USP34: variants seen among roughly 807,000 people sequenced by gnomAD.
The protein encoded by USP34 is ubiquitin carboxyl-terminal hydrolase 34.
In USP34, 70 loss-of-function variants were observed where a neutral mutation model predicts 460.3. That is an observed-to-expected ratio of 0.15 (90% CI 0.13 to 0.19). USP34 has a LOEUF of 0.19. Among genes scored for constraint, USP34 ranks in the 10% least tolerant of loss-of-function variants. The pLI, the probability that USP34 is intolerant of heterozygous loss-of-function variation, is 1.00. For missense variants in USP34, 3,985 were observed against 4,236.2 expected, an observed-to-expected ratio of 0.94 and a Z score of 1.65; for synonymous variants, 1,647 against 1,405.3, an observed-to-expected ratio of 1.17 and a Z score of -3.85.
chr2:61,402,522 C>T (rs1452136974), intron 3 of USP34, among the ~76,000 whole-genome samples: 2 of 152,164 alleles, frequency 1.3e-5, no homozygotes, highest in Non-Finnish European at 2.9e-5. Flanking sequence ...CTCTTCTCAG[C>T]AATATGCCCA....
At position 61,387,565 on chromosome 2, in the gene USP34, T is replaced by G. The variant is rs1037458836; in HGVS notation, c.754-4229A>C. ...TATATAAAATATATATATTTATATA[T>G]ACACACATATATAAAATATATATAT... On this transcript the variant is annotated intron_variant, in intron 5 of 79. Transcript: ENST00000398571. Among the ~76,000 whole-genome samples, 4 of 146,234 alleles carry G rather than the reference T, an allele frequency of 2.7e-5. No individual in the cohort carries two copies. The South Asian group carries it at 8.4e-4, about 31-fold the overall frequency.
At chr2:61,338,784 A>G (rs567193645) in intron 18 of USP34, among the ~76,000 whole-genome samples, 35 of 152,202 alleles carry the variant, frequency 2.3e-4, no homozygotes, top group Admixed American at 1.6e-3. Context: ...AGAAAAAAAC[A>G]CTAATCTGTT....
chr2:61,305,311 A>C (rs1245960223), intron 27 of USP34, among the ~76,000 whole-genome samples: 2 of 152,136 alleles, frequency 1.3e-5, no homozygotes, highest in South Asian at 2.1e-4. Flanking sequence ...CAACAGTGCG[A>C]GACTCAAGAA....
intron 1 of USP34, among the ~76,000 whole-genome samples, chr2:61,440,678 C>T (rs559273807): frequency 6.6e-6 from 1 of 151,740 alleles, no homozygotes; most frequent in Non-Finnish European, 1.5e-5. Flanking sequence ...CCACCATACC[C>T]GGCTACTTTT....
intron 76 of USP34, among the ~76,000 whole-genome samples, chr2:61,191,699 A>C (rs1439364245): frequency 6.6e-6 from 1 of 152,204 alleles, no homozygotes; most frequent in Admixed American, 6.5e-5. Context: ...AAGCGAAGGG[A>C]GTCCTGCGAT....
Position 61,280,359 on chromosome 2 carries a change from A to G in USP34, c.5152-11T>C. ...CTCATAATCATCTATCTATTAAAAA[A>G]ATTTTATACTTTGTGAAAACATTTT... On this transcript the variant is annotated splice_polypyrimidine_tract_variant and intron_variant, in intron 38 of 79. Transcript: ENST00000398571. 7.4e-7 allele frequency: 1 copy of G among 1,342,356 alleles called. No homozygotes were observed. The highest frequency in any genetic ancestry group is 1.0e-6 in the Non-Finnish European group (1 of 999,792). The allele number at this position is 1,342,356 out of a possible 1,614,324, so 83.2% of individuals were successfully genotyped here. A position where few individuals can be genotyped will look rare whatever the true frequency, so the allele number is the denominator to read the frequency against.
intron 41 of USP34, 101 bp from the exon 42 acceptor site, chr2:61,266,268 C>G: frequency 2.6e-6 from 3 of 1,143,616 alleles, no homozygotes; most frequent in Non-Finnish European, 3.7e-6. Flanking sequence ...TTAAGCTACT[C>G]AAAAACGTAT....
chr2:61,189,144 G>C (rs1435456678), intron 78 of USP34, 75 bp from the exon 79 acceptor site: 1 of 1,445,616 alleles, frequency 6.9e-7, no homozygotes, highest in African/African-American at 1.4e-5. Flanking sequence ...GTTAATTGCA[G>C]ATGTTTATTT....
intron 5 of USP34, among the ~76,000 whole-genome samples, chr2:61,394,053 G>A (rs570734911): frequency 3.3e-4 from 50 of 151,922 alleles, no homozygotes; most frequent in Non-Finnish European, 6.8e-4. Flanking sequence ...CCCAGGAGGC[G>A]GAGGGTGCAG....
At chr2:61,445,182 A>C (rs1388825077) in intron 1 of USP34, among the ~76,000 whole-genome samples, 2 of 150,558 alleles carry the variant, frequency 1.3e-5, no homozygotes, top group African/African-American at 4.9e-5. Flanking sequence ...CACACACAAA[A>C]AAATGCTAAG....
At chr2:61,227,249 G>C in intron 61 of USP34, 31 bp from the exon 62 acceptor site, 1 of 1,574,682 alleles carries the variant, frequency 6.4e-7, no homozygotes, top group Non-Finnish European at 8.6e-7. Flanking sequence ...ATTTTAATAC[G>C]GTAGTAGTTT....
intron 2 of USP34, among the ~76,000 whole-genome samples, chr2:61,407,958 T>C (rs1693927167): frequency 1.3e-5 from 2 of 151,818 alleles, no homozygotes; most frequent in African/African-American, 4.8e-5. Context: ...CTACTAAAAA[T>C]ACAAAAATTA....
chr2:61,263,666 T>C (rs1233182993), intron 43 of USP34, among the ~76,000 whole-genome samples: 2 of 151,632 alleles, frequency 1.3e-5, no homozygotes, highest in Non-Finnish European at 2.9e-5. Context: ...GTATTTTTAG[T>C]AGAGATGGGG....
rs1479539480 is a variant in USP34 at position 61,311,887 on chromosome 2, CACTGTCTCAGATGATATGCAA to C, written c.3545_3565del (p.Phe1182_Gln1188del). 6.2e-7 allele frequency: 1 copy of C among 1,613,580 alleles called. No homozygotes were observed. Among genetic ancestry groups the C allele is most frequent in the African/African-American group, 1.3e-5 (1 of 74,884 alleles). Reference sequence around the variant, plus strand: ...ACTAATACCAGTGCCTTCAATTTGCCACTGTCTCAGATGATATGCAAACCTAAAACATGACACAAACAACAC... The same window carrying C: ...ACTAATACCAGTGCCTTCAATTTGCCACCTAAAACATGACACAAACAACAC... On this transcript the variant is annotated inframe_deletion and splice_region_variant, in exon 26 of 80. Transcript: ENST00000398571.
intron 1 of USP34, among the ~76,000 whole-genome samples, chr2:61,431,889 A>G (rs1169850779): frequency 2.0e-5 from 3 of 152,114 alleles, no homozygotes; most frequent in African/African-American, 7.2e-5. Context: ...AATAAATAGC[A>G]GAGAGGATTT....
chr2:61,405,595 G>T, intron 3 of USP34, 113 bp downstream of exon 3: 2 of 1,020,980 alleles, frequency 2.0e-6, no homozygotes, highest in Non-Finnish European at 2.8e-6. Context: ...TAATTCTGGT[G>T]ACAATAATGA....
At chr2:61,381,155 A>G (rs1336619620) in intron 6 of USP34, among the ~76,000 whole-genome samples, 1 of 151,692 alleles carries the variant, frequency 6.6e-6, no homozygotes, top group East Asian at 1.9e-4. Flanking sequence ...CTATTGTCCT[A>G]TGACCCTGCC....
chr2:61,416,419 T>C (rs1015591584), intron 2 of USP34, among the ~76,000 whole-genome samples: 5 of 152,156 alleles, frequency 3.3e-5, no homozygotes, highest in Non-Finnish European at 7.3e-5. Flanking sequence ...GCGTCCAGAG[T>C]TCTTATATAG....
intron 48 of USP34, among the ~76,000 whole-genome samples, chr2:61,249,470 T>C (rs1427601454): frequency 6.6e-6 from 1 of 152,216 alleles, no homozygotes. Flanking sequence ...TTTTTGAAAT[T>C]TTCTATGTAA....
Sources: allele counts gnomAD v4.1 joint callset (sites outside exome capture counted in the v4.1 genomes callset), GRCh38; gene constraint gnomAD v4.1.1; transcripts MANE v1.5; gene names NCBI Gene and HGNC (gene_info 2026-07-23, HGNC 2026-07-21).